Variants in YKT6 observed in about 807,000 individuals in gnomAD.
The protein encoded by YKT6 is synaptobrevin homolog YKT6.
In YKT6, 12 loss-of-function variants were observed where a neutral mutation model predicts 29.3. That is an observed-to-expected ratio of 0.41 (90% CI 0.26 to 0.66). The LOEUF is 0.66. Ranked by LOEUF, YKT6 falls within the 30% of genes least tolerant of loss-of-function variation. The probability of loss-of-function intolerance (pLI) is 0.32; values close to 1 mark genes in which losing one functional copy is unlikely to be tolerated. For missense variants in YKT6, 188 were observed against 243.8 expected (o/e 0.77, Z 1.52); for synonymous variants, 86 against 94.3 (o/e 0.91, Z 0.51).
intron 1 of YKT6, among the ~76,000 whole-genome samples, chr7:44,204,027 G>C (rs979153466): frequency 6.6e-6 from 1 of 152,096 alleles, no homozygotes. Flanking sequence ...TTTTCCTTTT[G>C]TTCCATCCAG....
rs1246829336 is a variant in YKT6 at position 44,207,487 on chromosome 7, T to C, written c.388T>C (p.Tyr130His). The C allele has an allele frequency of 1.9e-6, 3 of 1,613,964 alleles. No homozygotes were observed. The highest frequency in any genetic ancestry group is 1.1e-5 in the South Asian group (1 of 91,064). ...AGCCCTGGATGGTCACCTCAGTAGA[T>C]ACCAGGTAGGGTTAAAGGAAGCTTC... is the stretch of plus-strand genomic sequence containing the variant. ...YPALDGHLSR[Y>H]QNPREADPMT... Residue 130 changes from tyrosine to histidine, a missense_variant, in exon 4 of 7, where the codon TAC becomes CAC. Around this residue, in one of 3 missense-constraint regions of YKT6, gnomAD observed 100 missense variants for 136.3 expected, o/e 0.73. Coordinates refer to ENST00000223369, the MANE Select transcript of YKT6 (RefSeq NM_006555.4).
chr7:44,208,891 A>T (rs144346598), intron 5 of YKT6, among the ~76,000 whole-genome samples: 105 of 152,312 alleles, frequency 6.9e-4, no homozygotes, highest in African/African-American at 2.2e-3. Context: ...TGCACAACTT[A>T]GAACCCTTCA....
At chr7:44,204,195 T>C (rs1159209089) in intron 1 of YKT6, among the ~76,000 whole-genome samples, 1 of 152,208 alleles carries the variant, frequency 6.6e-6, no homozygotes, top group East Asian at 1.9e-4. Context: ...TCTAGTGCAG[T>C]TCTTATAAAT....
rs372686731 is a variant in YKT6 at position 44,201,118 on chromosome 7, G to T, written c.-18G>T. On this transcript the variant is annotated 5_prime_UTR_variant, in exon 1 of 7. Transcript: ENST00000223369. ...GGTCCCGCAGCTGGGCAGGCGGGCG[G>T]CCTGAGGGCGCGGAGCCATGAAGCT... 74 of 1,562,152 alleles carry T rather than the reference G, an allele frequency of 4.7e-5. No homozygotes were observed. The Middle Eastern group carries it at 6.9e-4, about 15-fold the overall frequency.
rs1297079247 is a variant in YKT6 at position 44,214,218 on chromosome 7, T to G, written c.*1936T>G. 1 of 152,254 alleles carries G rather than the reference T, an allele frequency of 6.6e-6. No homozygotes were observed. The highest frequency in any genetic ancestry group is 1.5e-5 in the Non-Finnish European group (1 of 68,076). 9.4% of individuals were successfully genotyped at this position (152,254 alleles called of 1,614,324 possible). A position where few individuals can be genotyped will look rare whatever the true frequency, so the allele number is the denominator to read the frequency against. On this transcript the variant is annotated 3_prime_UTR_variant, in exon 7 of 7. Transcript: ENST00000223369. ...TTGTAAATCATTTGGCGAGACTGTA[T>G]TTTAGTAACTGCTGCCTAACTTCCC...
At chr7:44,209,376 G>A (rs2096344306) in intron 5 of YKT6, among the ~76,000 whole-genome samples, 1 of 152,166 alleles carries the variant, frequency 6.6e-6, no homozygotes, top group African/African-American at 2.4e-5. Flanking sequence ...AAAGTCTCAT[G>A]GTATCTGTGT....
Position 44,201,159 on chromosome 7 carries a change from C to G in YKT6, c.24C>G (p.Val8=). The change falls in exon 1 of 7, where the codon GTC becomes GTG. Residue 8 remains valine, a synonymous_variant. Coordinates refer to ENST00000223369, the MANE Select transcript of YKT6 (RefSeq NM_006555.4). The part of the protein sequence containing the change: MKLYSLS[V]LYKGEAKVVL... ...CCATGAAGCTGTACAGCCTCAGCGTCCTCTACAAAGGCGAGGCCAAGGTGG... is the reference window on the plus strand; with the variant it reads ...CCATGAAGCTGTACAGCCTCAGCGTGCTCTACAAAGGCGAGGCCAAGGTGG... 1 of 1,610,424 alleles carries G rather than the reference C, an allele frequency of 6.2e-7. No individual in the cohort carries two copies. The highest frequency in any genetic ancestry group is 1.3e-5 in the African/African-American group (1 of 74,762).
intron 1 of YKT6, among the ~76,000 whole-genome samples, chr7:44,202,348 T>C (rs908409219): frequency 5.3e-5 from 8 of 152,230 alleles, no homozygotes; most frequent in Admixed American, 5.2e-4. Flanking sequence ...TGCATTGATA[T>C]GAAATAGATT....
chr7:44,204,442 A>T (rs1265072319), intron 1 of YKT6, 126 bp from the exon 2 acceptor site: 1 of 744,050 alleles, frequency 1.3e-6, no homozygotes, highest in Non-Finnish European at 2.2e-6. Flanking sequence ...GTTACTAGGG[A>T]TGGGAGGGAA....
chr7:44,202,386 A>G (rs2096336729), intron 1 of YKT6, among the ~76,000 whole-genome samples: 1 of 152,182 alleles, frequency 6.6e-6, no homozygotes, highest in Non-Finnish European at 1.5e-5. Context: ...ATCACTGTCA[A>G]TCGTCTCCAG....
chr7:44,205,369 C>T (rs952290720), intron 2 of YKT6, among the ~76,000 whole-genome samples: 1 of 152,226 alleles, frequency 6.6e-6, no homozygotes, highest in Non-Finnish European at 1.5e-5. Flanking sequence ...ACAATTCCTC[C>T]ACTGACCAGG....
At chr7:44,212,180 TG>T in intron 6 of YKT6, 66 bp from the exon 7 acceptor site, 1 of 1,603,518 alleles carries the variant, frequency 6.2e-7, no homozygotes, top group Non-Finnish European at 8.5e-7. Flanking sequence ...CTGCCACGCC[TG>T]CCAGGATTGG....
intron 3 of YKT6, 26 bp from the exon 4 acceptor site, chr7:44,207,362 C>T (rs2096341880): frequency 1.2e-6 from 2 of 1,608,390 alleles, no homozygotes; most frequent in Non-Finnish European, 1.7e-6. Flanking sequence ...CAGTGGGAGG[C>T]TTGTTGAGTC....
intron 1 of YKT6, among the ~76,000 whole-genome samples, chr7:44,202,091 T>C (rs765616878): frequency 6.6e-6 from 1 of 152,164 alleles, no homozygotes; most frequent in Non-Finnish European, 1.5e-5. Flanking sequence ...GGACCCTACA[T>C]GGTCGGTATC....
Position 44,211,082 on chromosome 7 carries a change from A to G in YKT6, c.519A>G (p.Lys173=). The G allele has an allele frequency of 6.2e-7, 1 of 1,614,052 alleles. No individual in the cohort carries two copies. Among genetic ancestry groups the G allele is most frequent in the Non-Finnish European group, 8.5e-7 (1 of 1,180,014 alleles). ...RGEKLDDLVS[K]SEVLGTQSKA... Reference sequence around the variant, plus strand: ...AGAAGCTAGATGACTTGGTGTCCAAATCCGAGGTGCTGGGAACACAGTCTA... The same window carrying G: ...AGAAGCTAGATGACTTGGTGTCCAAGTCCGAGGTGCTGGGAACACAGTCTA... The change falls in exon 6 of 7, where the codon AAA becomes AAG. Residue 173 remains lysine (K), a synonymous_variant. Coordinates refer to ENST00000223369, the MANE Select transcript of YKT6 (RefSeq NM_006555.4).
At chr7:44,204,477 CTACT>C (rs2096338863) in intron 1 of YKT6, 87 bp from the exon 2 acceptor site, 1 of 1,224,256 alleles carries the variant, frequency 8.2e-7, no homozygotes, top group East Asian at 2.4e-5. Context: ...GAAGCAATGT[CTACT>C]TAATGTATAA....
chr7:44,202,417 G>T (rs1002153239), intron 1 of YKT6, among the ~76,000 whole-genome samples: 2 of 152,042 alleles, frequency 1.3e-5, no homozygotes, highest in African/African-American at 4.8e-5. Context: ...TATCAAATTC[G>T]TGTCTATTAA....
chr7:44,209,847 CAG>C (rs1314704366), intron 5 of YKT6, among the ~76,000 whole-genome samples: 1 of 152,148 alleles, frequency 6.6e-6, no homozygotes, highest in Non-Finnish European at 1.5e-5. Flanking sequence ...TTTCCTAAGT[CAG>C]AGTTTGTAGT....
chr7:44,206,921 T>A (rs2096341460), intron 3 of YKT6, among the ~76,000 whole-genome samples: 1 of 152,170 alleles, frequency 6.6e-6, no homozygotes, highest in South Asian at 2.1e-4. Context: ...TTGCGTACGG[T>A]GCTAATTACT....
Sources: allele counts gnomAD v4.1 joint callset (sites outside exome capture counted in the v4.1 genomes callset), GRCh38; gene constraint gnomAD v4.1.1; regional missense constraint gnomAD v4.1.1; transcripts MANE v1.5; gene names NCBI Gene and HGNC (gene_info 2026-07-23, HGNC 2026-07-21).